Variants in ADK observed in about 807,000 individuals in gnomAD.
The protein encoded by ADK is N6,N6-dimethyladenosine kinase.
In ADK, 24 loss-of-function variants were observed where a neutral mutation model predicts 44.7. That is an observed-to-expected ratio of 0.54 (90% CI 0.39 to 0.76). The LOEUF is 0.76. ADK is among the 30% of genes least tolerant of loss of function. The probability of loss-of-function intolerance (pLI) is 0.00; values close to 1 mark genes in which losing one functional copy is unlikely to be tolerated. For synonymous variants in ADK, 128 were observed against 142.6 expected (o/e 0.90, Z 0.73); for missense variants, 321 against 425.1 (o/e 0.76, Z 2.15).
chr10:74,672,023 T>G (rs1855207072), intron 10 of ADK, among the ~76,000 whole-genome samples: 1 of 152,232 alleles, frequency 6.6e-6, no homozygotes, highest in Non-Finnish European at 1.5e-5. Context: ...TAGGAACAGC[T>G]AGCTACCATT....
intron 2 of ADK, 86 bp from the exon 3 acceptor site, chr10:74,224,452 T>C (rs891827645): frequency 4.0e-6 from 4 of 995,262 alleles, no homozygotes; most frequent in African/African-American, 3.2e-5. Flanking sequence ...TATAACAGTG[T>C]TGGAGTGCTT....
chr10:74,416,080 A>G (rs1204271359), intron 6 of ADK, among the ~76,000 whole-genome samples: 1 of 150,984 alleles, frequency 6.6e-6, no homozygotes, highest in African/African-American at 2.4e-5. Flanking sequence ...ATGTAATGCT[A>G]CCGTGTTTGA....
At chr10:74,224,816 T>C (rs11592294) in intron 3 of ADK, among the ~76,000 whole-genome samples, 1 of 152,260 alleles carries the variant, frequency 6.6e-6, no homozygotes, top group Non-Finnish European at 1.5e-5. Context: ...TGTAGTGTTG[T>C]ATTCCATCAT....
chr10:74,182,681 A>G (rs944466931), intron 1 of ADK, among the ~76,000 whole-genome samples: 33 of 152,272 alleles, frequency 2.2e-4, no homozygotes, highest in African/African-American at 6.0e-4. Context: ...TTTATGTGCA[A>G]CGTTGTCAGC....
At chr10:74,631,078 C>T (rs1249469385) in intron 9 of ADK, among the ~76,000 whole-genome samples, 3 of 151,938 alleles carry the variant, frequency 2.0e-5, no homozygotes, top group Non-Finnish European at 4.4e-5. Context: ...TTCTGACTTC[C>T]TTACATTCTG....
rs1564863698 is a variant in ADK, at chr10:74,708,401, A to G, written c.1045A>G (p.Arg349Gly). The G allele has an allele frequency of 1.2e-6, 2 of 1,612,880 alleles. No individual in the cohort carries two copies. The highest frequency in any genetic ancestry group is 1.7e-6 in the Non-Finnish European group (2 of 1,179,656). ...CCACTATGCAGCAAGCATCATAATT[A>G]GACGGACTGGCTGCACCTTTCCTGA... ...AGHYAASIII[R>G]RTGCTFPEKP... Residue 349 changes from arginine to glycine, a missense_variant, in exon 11 of 11, where the codon AGA becomes GGA. Coordinates refer to ENST00000539909, the MANE Select transcript of ADK (RefSeq NM_006721.4).
At chr10:74,541,756 G>A (rs1040214344) in intron 7 of ADK, among the ~76,000 whole-genome samples, 13 of 144,518 alleles carry the variant, frequency 9.0e-5, no homozygotes, top group African/African-American at 3.4e-4. Context: ...TTGCCACCCT[G>A]GACTCCAGCC....
intron 3 of ADK, among the ~76,000 whole-genome samples, chr10:74,243,196 G>A (rs2132308206): frequency 6.6e-6 from 1 of 152,296 alleles, no homozygotes; most frequent in South Asian, 2.1e-4. Flanking sequence ...GGGGTCGTGG[G>A]CACCCTCACC....
chr10:74,401,769 T>C (rs1433545590), intron 6 of ADK, among the ~76,000 whole-genome samples: 1 of 152,238 alleles, frequency 6.6e-6, no homozygotes, highest in East Asian at 1.9e-4. Flanking sequence ...ATGTGTGAAG[T>C]TGATCCTGTC....
intron 7 of ADK, among the ~76,000 whole-genome samples, chr10:74,562,776 AAAAT>A: frequency 6.6e-6 from 1 of 152,226 alleles, no homozygotes; most frequent in Non-Finnish European, 1.5e-5. Flanking sequence ...GCTTTGGCAA[AAAAT>A]AAAACCAGTG....
chr10:74,499,196 C>T lies in ADK; in HGVS notation c.556-26060C>T, dbSNP rs145894011. ...CCTCCCTAGTAGTTGGGACTACAGGCGTGTGCCATCACACCTGGCTAAATT... is the reference window on the plus strand; with the variant it reads ...CCTCCCTAGTAGTTGGGACTACAGGTGTGTGCCATCACACCTGGCTAAATT... On this transcript the variant is annotated intron_variant, in intron 6 of 10. Transcript: ENST00000539909. Among the ~76,000 whole-genome samples the T allele has an allele frequency of 2.2e-4, 34 of 152,210 alleles. No homozygotes were observed. The South Asian group carries it at 3.9e-3, about 18-fold the overall frequency.
intron 9 of ADK, among the ~76,000 whole-genome samples, chr10:74,658,453 G>T (rs1299071652): frequency 6.6e-6 from 1 of 152,012 alleles, no homozygotes; most frequent in Non-Finnish European, 1.5e-5. Flanking sequence ...TGTTTTTGAT[G>T]TAGGATCTCC....
intron 9 of ADK, among the ~76,000 whole-genome samples, chr10:74,610,958 A>G (rs761331840): frequency 6.6e-6 from 1 of 152,112 alleles, no homozygotes; most frequent in Non-Finnish European, 1.5e-5. Context: ...AAGCAATACA[A>G]CTTTTGTTCT....
chr10:74,550,529 T>A (rs541366522), intron 7 of ADK, among the ~76,000 whole-genome samples: 1 of 152,142 alleles, frequency 6.6e-6, no homozygotes, highest in Non-Finnish European at 1.5e-5. Context: ...TGGTTTTGCC[T>A]CTCCCCTCCA....
chr10:74,337,686 G>A (rs1841451362), intron 4 of ADK, among the ~76,000 whole-genome samples: 1 of 151,222 alleles, frequency 6.6e-6, no homozygotes. Flanking sequence ...ATATTAATCT[G>A]TGTTGTCCTA....
At chr10:74,309,355 A>G (rs1022642047) in intron 3 of ADK, among the ~76,000 whole-genome samples, 2 of 152,100 alleles carry the variant, frequency 1.3e-5, no homozygotes, top group African/African-American at 4.8e-5. Flanking sequence ...CATGATCTTA[A>G]TATATCCTTG....
intron 4 of ADK, among the ~76,000 whole-genome samples, chr10:74,359,639 G>T (rs1405078034): frequency 1.3e-5 from 2 of 152,106 alleles, no homozygotes; most frequent in African/African-American, 4.8e-5. Flanking sequence ...GGGCCCAGGT[G>T]GTCAAGGCTG....
intron 6 of ADK, among the ~76,000 whole-genome samples, chr10:74,414,606 C>T (rs1844303682): frequency 6.6e-6 from 1 of 151,982 alleles, no homozygotes; most frequent in Non-Finnish European, 1.5e-5. Context: ...CGTGGTGGCG[C>T]ATGCCTGTAA....
chr10:74,419,607 A>T (rs1448021592), intron 6 of ADK, among the ~76,000 whole-genome samples: 2 of 152,184 alleles, frequency 1.3e-5, no homozygotes, highest in Non-Finnish European at 2.9e-5. Flanking sequence ...TCCTAGAGGC[A>T]GGAAGACAGC....
Sources: allele counts gnomAD v4.1 joint callset (sites outside exome capture counted in the v4.1 genomes callset), GRCh38; gene constraint gnomAD v4.1.1; transcripts MANE v1.5; gene names NCBI Gene and HGNC (gene_info 2026-07-23, HGNC 2026-07-21).